The following PIEZO2 variants were observed in gnomAD, a reference collection of about 807,000 sequenced individuals.
The protein encoded by PIEZO2 is piezo type mechanosensitive ion channel component 2.
A neutral mutation model predicts 337.3 loss-of-function variants in PIEZO2; 172 were observed. The observed-to-expected ratio is 0.51, with a 90% CI of 0.45 to 0.58. The LOEUF (loss-of-function observed/expected upper bound fraction) is 0.58, where lower values mean the gene tolerates loss of function less well. Ranked by LOEUF, PIEZO2 falls within the 20% of genes least tolerant of loss-of-function variation. The pLI is 0.00. For missense variants in PIEZO2, 3,028 were observed against 3,391.3 expected, an observed-to-expected ratio of 0.89 and a Z score of 2.66; for synonymous variants, 1,251 against 1,228.5, an observed-to-expected ratio of 1.02 and a Z score of -0.38.
chr18:11,044,159 C>CTA (rs10556222), intron 2 of PIEZO2, among the ~76,000 whole-genome samples: 30 of 147,802 alleles, frequency 2.0e-4, no homozygotes, highest in African/African-American at 4.9e-4. Flanking sequence ...TACTAATATA[C>CTA]TATATATATA....
chr18:10,890,775 G>A (rs1470199957), intron 4 of PIEZO2: 1 of 151,946 alleles, frequency 6.6e-6, no homozygotes, highest in Non-Finnish European at 1.5e-5. Context: ...TCATATCAAG[G>A]AATAAACTTC....
At chr18:10,798,167 T>C (rs1390400786) in intron 11 of PIEZO2, among the ~76,000 whole-genome samples, 2 of 152,226 alleles carry the variant, frequency 1.3e-5, no homozygotes, top group Non-Finnish European at 2.9e-5. Flanking sequence ...TGCAATCTCA[T>C]GAGCAACCTT....
At position 10,716,873 on chromosome 18, in the gene PIEZO2, G is replaced by A. The variant is rs1367776469; in HGVS notation, c.5090-1057C>T. Among the ~76,000 whole-genome samples the A allele has an allele frequency of 6.6e-6, 1 of 152,152 alleles. No individual in the cohort carries two copies. Among genetic ancestry groups the A allele is most frequent in the Non-Finnish European group, 1.5e-5 (1 of 68,026 alleles). On this transcript the variant is annotated intron_variant, in intron 37 of 55. Transcript: ENST00000674853. This position sits in a 1 kb window ranked among gnomAD's most constrained non-coding sequence, Gnocchi z 4.1. ...TTGTTTTCTTAGAAATGATGAAGGTGAACATTATTACGGCGTGGTTTTGCT... is the reference window on the plus strand; with the variant it reads ...TTGTTTTCTTAGAAATGATGAAGGTAAACATTATTACGGCGTGGTTTTGCT...
In PIEZO2 at chr18:11,125,167, C is replaced by A. The variant is rs1053425281; in HGVS notation, c.64+23358G>T. 9.4e-5 allele frequency among the ~76,000 whole-genome samples: 14 copies of A among 148,264 alleles called. No homozygotes were observed. Among genetic ancestry groups the A allele is most frequent in the Non-Finnish European group, 1.8e-4 (12 of 67,642 alleles). On this transcript the variant is annotated intron_variant, in intron 1 of 55. Coordinates refer to ENST00000674853, the MANE Select transcript of PIEZO2 (RefSeq NM_001378183.1). This position sits in a 1 kb window ranked among gnomAD's most constrained non-coding sequence, Gnocchi z 4.4. Reference sequence around the variant, plus strand: ...GGGAGAAAGAACACACACACACACACATGCACACATACAAAATACACACAC... The same window carrying A: ...GGGAGAAAGAACACACACACACACAAATGCACACATACAAAATACACACAC...
rs2034593096 is a variant in PIEZO2 at position 10,979,727 on chromosome 18, T to C, written c.161-67A>G. The C allele has an allele frequency of 2.2e-6, 3 of 1,394,044 alleles. No individual in the cohort carries two copies. The highest frequency in any genetic ancestry group is 1.9e-6 in the Non-Finnish European group (2 of 1,057,160). 86.4% of individuals were successfully genotyped at this position (1,394,044 alleles called of 1,614,324 possible). ...TGAAACACACTGGTGCTGTCTCTTG[T>C]ACATATTTCTGTATAACCTATTAGA... On this transcript the variant is annotated intron_variant, in intron 2 of 55. Coordinates refer to ENST00000674853, the MANE Select transcript of PIEZO2 (RefSeq NM_001378183.1). This position sits in a 1 kb window ranked among gnomAD's most constrained non-coding sequence, Gnocchi z 4.0.
In PIEZO2 at chr18:11,002,797, A is replaced by G. The variant is rs2035588456; in HGVS notation, c.161-23137T>C. Among the ~76,000 whole-genome samples, 1 of 152,214 alleles carries G rather than the reference A, an allele frequency of 6.6e-6. No individual in the cohort carries two copies. Among genetic ancestry groups the G allele is most frequent in the Non-Finnish European group, 1.5e-5 (1 of 68,034 alleles). On this transcript the variant is annotated intron_variant, in intron 2 of 55. Coordinates refer to ENST00000674853, the MANE Select transcript of PIEZO2 (RefSeq NM_001378183.1). The surrounding 1 kb of genome is among the most constrained non-coding windows in gnomAD (Gnocchi z 4.3). ...AGCTGAACTATGGAAAGCAGGCCAC[A>G]TTGGATAATCCAATTTCAAGCACCC...
chr18:11,091,155 G>A (rs1382156263), intron 1 of PIEZO2, among the ~76,000 whole-genome samples: 1 of 151,802 alleles, frequency 6.6e-6, no homozygotes, highest in African/African-American at 2.4e-5. Context: ...GGAGGCCAAG[G>A]TGGGCGGATC....
intron 2 of PIEZO2, among the ~76,000 whole-genome samples, chr18:11,064,271 A>T (rs542664491): frequency 6.6e-6 from 1 of 152,224 alleles, no homozygotes; most frequent in Non-Finnish European, 1.5e-5. Context: ...AAATGAGGTT[A>T]TGTTGAATAT....
At position 10,824,350 on chromosome 18, in the gene PIEZO2, G is replaced by A. The variant is rs1194607723; in HGVS notation, c.918-17076C>T. ...GCAGAGCCTTGGTTTCCCATCTGCA[G>A]CTTTCTCTGCTGGAGTTTTTCAAAA... On this transcript the variant is annotated intron_variant, in intron 7 of 55. Transcript: ENST00000674853. This position sits in a 1 kb window ranked among gnomAD's most constrained non-coding sequence, Gnocchi z 4.4. Among the ~76,000 whole-genome samples, 5 of 152,196 alleles carry A rather than the reference G, an allele frequency of 3.3e-5. No homozygotes were observed. The highest frequency in any genetic ancestry group is 2.0e-4 in the Admixed American group (3 of 15,270).
At chr18:10,849,005 C>T (rs1279378129) in intron 7 of PIEZO2, among the ~76,000 whole-genome samples, 1 of 152,118 alleles carries the variant, frequency 6.6e-6, no homozygotes, top group Non-Finnish European at 1.5e-5. Context: ...GAAGAATTCA[C>T]CCAAGGATTC....
intron 33 of PIEZO2, 60 bp from the exon 34 acceptor site, chr18:10,736,770 A>T (rs2037012905): frequency 6.7e-7 from 1 of 1,490,870 alleles, no homozygotes; most frequent in Non-Finnish European, 9.0e-7. Context: ...TTGGGGGCTT[A>T]TTAATGAAAT....
chr18:10,843,666 T>C (rs2041262409), intron 7 of PIEZO2, among the ~76,000 whole-genome samples: 2 of 152,202 alleles, frequency 1.3e-5, no homozygotes, highest in South Asian at 2.1e-4. Flanking sequence ...CAAGCATTCA[T>C]TGGTACCTCG....
chr18:10,731,278 A>T, intron 36 of PIEZO2, 129 bp downstream of exon 36: 1 of 503,910 alleles, frequency 2.0e-6, no homozygotes, highest in Non-Finnish European at 3.3e-6. Context: ...AGGACAAATT[A>T]AAACTGTTGG....
intron 1 of PIEZO2, among the ~76,000 whole-genome samples, chr18:11,138,564 G>C (rs1410372100): frequency 6.6e-6 from 1 of 152,148 alleles, no homozygotes; most frequent in Non-Finnish European, 1.5e-5. Context: ...CAAAGTGCTC[G>C]GATTACAGGC....
chr18:10,939,883 A>G (rs1262947835), intron 3 of PIEZO2, among the ~76,000 whole-genome samples: 1 of 152,184 alleles, frequency 6.6e-6, no homozygotes, highest in African/African-American at 2.4e-5. Context: ...ATGTATACTT[A>G]TGTAACAAAC....
intron 33 of PIEZO2, chr18:10,737,952 A>C (rs2037073767): frequency 6.6e-6 from 1 of 152,234 alleles, no homozygotes; most frequent in Non-Finnish European, 1.5e-5. Context: ...GCCAAAAGTT[A>C]AGTAATTTTG....
chr18:10,890,688 A>G (rs1054982574), intron 4 of PIEZO2: 2 of 152,182 alleles, frequency 1.3e-5, no homozygotes, highest in Non-Finnish European at 1.5e-5. Flanking sequence ...ATTACCTCCC[A>G]CCAGGTTCTT....
chr18:10,747,599 C>T (rs1404321336), intron 30 of PIEZO2, among the ~76,000 whole-genome samples: 1 of 152,166 alleles, frequency 6.6e-6, no homozygotes, highest in African/African-American at 2.4e-5. Context: ...GGGTGTGCCA[C>T]AAGGCTCTTC....
Position 11,077,033 on chromosome 18 carries a change from C to T in PIEZO2, c.65-10811G>A, listed in dbSNP as rs1437478075. Among the ~76,000 whole-genome samples the T allele has an allele frequency of 6.6e-6, 1 of 152,180 alleles. No homozygotes were observed. The highest frequency in any genetic ancestry group is 1.5e-5 in the Non-Finnish European group (1 of 68,030). The stretch of plus-strand genomic sequence containing the variant: ...CACCACACATTGCCTCTCATAATTG[C>T]AAATGAGGAAATAAAGCTTTTATGC... On this transcript the variant is annotated intron_variant, in intron 1 of 55. Transcript: ENST00000674853. The surrounding 1 kb of genome is among the most constrained non-coding windows in gnomAD (Gnocchi z 4.8).
Sources: allele counts gnomAD v4.1 joint callset (sites outside exome capture counted in the v4.1 genomes callset), GRCh38; gene constraint gnomAD v4.1.1; non-coding constraint Gnocchi (gnomAD v3.1); transcripts MANE v1.5; gene names NCBI Gene and HGNC (gene_info 2026-07-23, HGNC 2026-07-21).